Variants in TRDN observed in about 807,000 individuals in gnomAD.
TRDN encodes triadin.
A neutral mutation model predicts 149.7 loss-of-function variants in TRDN; 161 were observed. The ratio of observed to expected loss-of-function variants is 1.08; its 90% confidence interval spans 0.95 to 1.23. The LOEUF (loss-of-function observed/expected upper bound fraction) is 1.23, where lower values mean the gene tolerates loss of function less well. Ranked by LOEUF, TRDN falls within the 50% of genes most tolerant of loss-of-function variation. The pLI is 0.00. For missense variants in TRDN, 896 were observed against 823.5 expected (o/e 1.09, Z -1.08); for synonymous variants, 294 against 250.5 (o/e 1.17, Z -1.64).
rs1205924190 is a variant in TRDN at position 123,530,341 on chromosome 6, TGAAATTAACTGATATACATTTATA to T, written c.484+141_484+164del. On this transcript the variant is annotated intron_variant, in intron 5 of 40. Transcript: ENST00000334268. Reference sequence around the variant, plus strand: ...TTTATGTTATTTATACATTTATAACTGAAATTAACTGATATACATTTATAACTGAAATTAACTGAGGAGTAAATT... The same window carrying T: ...TTTATGTTATTTATACATTTATAACTACTGAAATTAACTGAGGAGTAAATT... Among the ~76,000 whole-genome samples, 10 of 31,294 alleles carry T rather than the reference TGAAATTAACTGATATACATTTATA, an allele frequency of 3.2e-4. No homozygotes were observed. The Admixed American group carries it at 4.0e-3, about 12-fold the overall frequency. 20.5% of individuals were successfully genotyped at this position (31,294 alleles called of 152,430 possible). A position where few individuals can be genotyped will look rare whatever the true frequency, so the allele number is the denominator to read the frequency against.
At chr6:123,312,853 T>G (rs974343571) in intron 24 of TRDN, among the ~76,000 whole-genome samples, 1 of 151,994 alleles carries the variant, frequency 6.6e-6, no homozygotes, top group Non-Finnish European at 1.5e-5. Flanking sequence ...TCTTTGAGAA[T>G]GGAAATAATA....
intron 23 of TRDN, among the ~76,000 whole-genome samples, chr6:123,325,362 G>T (rs1779403428): frequency 6.6e-6 from 1 of 151,912 alleles, no homozygotes; most frequent in African/African-American, 2.4e-5. Flanking sequence ...AAGAAACTCA[G>T]AAAAAGTACA....
At chr6:123,240,280 T>A (rs909325301) in intron 38 of TRDN, among the ~76,000 whole-genome samples, 5 of 151,864 alleles carry the variant, frequency 3.3e-5, no homozygotes, top group Non-Finnish European at 7.4e-5. Flanking sequence ...ATAATTTATA[T>A]TAGTAAGAGG....
intron 9 of TRDN, among the ~76,000 whole-genome samples, chr6:123,485,646 C>T (rs1777939992): frequency 6.6e-6 from 1 of 152,046 alleles, no homozygotes; most frequent in African/African-American, 2.4e-5. Context: ...ACCATCCACA[C>T]CAAACACTTA....
intron 23 of TRDN, among the ~76,000 whole-genome samples, chr6:123,320,833 T>C (rs1033867026): frequency 2.6e-5 from 4 of 152,128 alleles, no homozygotes; most frequent in Non-Finnish European, 4.4e-5. Context: ...GTTTCTATTT[T>C]TTTTCAAGCC....
chr6:123,406,785 G>A (rs987517444), intron 12 of TRDN, among the ~76,000 whole-genome samples: 1 of 152,090 alleles, frequency 6.6e-6, no homozygotes, highest in Admixed American at 6.5e-5. Context: ...CTTAAGAAGA[G>A]AAAGTATTAT....
intron 1 of TRDN, among the ~76,000 whole-genome samples, chr6:123,600,306 T>C (rs1330355926): frequency 6.6e-6 from 1 of 152,058 alleles, no homozygotes; most frequent in East Asian, 1.9e-4. Context: ...GTGCTCTCCC[T>C]TCCCTTAAGC....
At chr6:123,408,356 A>C (rs1390737745) in intron 12 of TRDN, among the ~76,000 whole-genome samples, 1 of 152,062 alleles carries the variant, frequency 6.6e-6, no homozygotes, top group Non-Finnish European at 1.5e-5. Context: ...AAATTCTCAT[A>C]CCTATGTCTT....
intron 19 of TRDN, among the ~76,000 whole-genome samples, chr6:123,372,953 T>G (rs967145780): frequency 2.6e-5 from 4 of 152,146 alleles, no homozygotes; most frequent in Non-Finnish European, 4.4e-5. Flanking sequence ...GCAGAAATTG[T>G]CAGTCTAGTT....
At chr6:123,513,638 A>G (rs142721111) in intron 6 of TRDN, among the ~76,000 whole-genome samples, 1 of 152,302 alleles carries the variant, frequency 6.6e-6, no homozygotes, top group Non-Finnish European at 1.5e-5. Flanking sequence ...GAAATTGAAC[A>G]TGAAGAAAAT....
chr6:123,328,502 A>G (rs1779544612), intron 23 of TRDN, among the ~76,000 whole-genome samples: 1 of 151,944 alleles, frequency 6.6e-6, no homozygotes, highest in Non-Finnish European at 1.5e-5. Context: ...TTTTTTTCCT[A>G]TGAATTGCGA....
At chr6:123,603,022 C>A (rs760417444) in intron 1 of TRDN, among the ~76,000 whole-genome samples, 5 of 152,130 alleles carry the variant, frequency 3.3e-5, no homozygotes, top group Non-Finnish European at 7.4e-5. Flanking sequence ...TTTAATCTAA[C>A]ATTAGTTCTC....
intron 1 of TRDN, among the ~76,000 whole-genome samples, chr6:123,586,571 G>A (rs1371842763): frequency 6.6e-6 from 1 of 152,282 alleles, no homozygotes; most frequent in African/African-American, 2.4e-5. Flanking sequence ...CTTGAAGGAT[G>A]GAAAAATTGA....
chr6:123,576,894 T>G (rs182615705), intron 1 of TRDN, among the ~76,000 whole-genome samples: 50 of 151,982 alleles, frequency 3.3e-4, no homozygotes, highest in African/African-American at 1.1e-3. Context: ...AGGGCTTTCA[T>G]GAAAAGTGTC....
chr6:123,358,286 G>T (rs1230643808), intron 20 of TRDN, among the ~76,000 whole-genome samples: 3 of 152,096 alleles, frequency 2.0e-5, no homozygotes, highest in Non-Finnish European at 4.4e-5. Flanking sequence ...CCAGATTAGG[G>T]CTATTCTTTA....
chr6:123,384,302 T>C (rs972300797), intron 14 of TRDN, among the ~76,000 whole-genome samples: 1 of 152,144 alleles, frequency 6.6e-6, no homozygotes, highest in Non-Finnish European at 1.5e-5. Flanking sequence ...AGTTGTCAGT[T>C]AGTTTGACTC....
intron 9 of TRDN, chr6:123,470,626 T>C (rs1777099615): frequency 6.6e-6 from 1 of 152,190 alleles, no homozygotes; most frequent in Admixed American, 6.5e-5. Context: ...ATATGGAGTT[T>C]TGTGCAAATC....
chr6:123,417,373 T>C (rs1773700731), intron 12 of TRDN, among the ~76,000 whole-genome samples: 1 of 152,168 alleles, frequency 6.6e-6, no homozygotes, highest in Non-Finnish European at 1.5e-5. Context: ...TTCAGCTAAC[T>C]GAGATAGGAA....
intron 5 of TRDN, among the ~76,000 whole-genome samples, chr6:123,516,623 T>G (rs1247253500): frequency 1.3e-5 from 2 of 152,134 alleles, no homozygotes; most frequent in Admixed American, 1.3e-4. Context: ...ACTATCAACT[T>G]AAACAGTATG....
Sources: allele counts gnomAD v4.1 joint callset (sites outside exome capture counted in the v4.1 genomes callset), GRCh38; gene constraint gnomAD v4.1.1; transcripts MANE v1.5; gene names NCBI Gene and HGNC (gene_info 2026-07-23, HGNC 2026-07-21).